PRKAR2A: variants seen among roughly 807,000 people sequenced by gnomAD.
The protein encoded by PRKAR2A is cAMP-dependent protein kinase type II-alpha regulatory subunit.
A neutral mutation model predicts 51.9 loss-of-function variants in PRKAR2A; 29 were observed. The observed-to-expected ratio is 0.56, with a 90% CI of 0.42 to 0.76. The LOEUF (loss-of-function observed/expected upper bound fraction) is 0.76. Among genes scored for constraint, PRKAR2A ranks in the 30% least tolerant of loss-of-function variants. PRKAR2A has a pLI of 0.00. For synonymous variants in PRKAR2A, 178 were observed against 186.2 expected (o/e 0.96, Z 0.36); for missense variants, 445 against 512.1 (o/e 0.87, Z 1.26).
At chr3:48,784,223 TAA>T (rs1007202805) in intron 4 of PRKAR2A, among the ~76,000 whole-genome samples, 13 of 152,100 alleles carry the variant, frequency 8.5e-5, no homozygotes, top group African/African-American at 3.1e-4. Context: ...CAGGTTCAAT[TAA>T]AAAAAGAGAC....
In PRKAR2A at chr3:48,749,897, CT is replaced by C. The variant is rs927213976; in HGVS notation, c.*1687del. 563 of 142,764 alleles carry C rather than the reference CT, an allele frequency of 3.9e-3. 1 individual carries two copies. The highest frequency in any genetic ancestry group is 7.3e-3 in the Middle Eastern group (2 of 274). The allele number at this position is 142,764 out of a possible 1,614,324, so 8.8% of individuals were successfully genotyped here. On this transcript the variant is annotated 3_prime_UTR_variant, in exon 11 of 11. Coordinates refer to ENST00000265563, the MANE Select transcript of PRKAR2A (RefSeq NM_004157.4). ...ACCTAAAGAATAATTTTTTTTCTTT[CT>C]TTTTTTTTTTTTAAGAGACAGGGTC...
At chr3:48,782,949 A>C (rs779126494) in intron 5 of PRKAR2A, 37 bp downstream of exon 5, 6 of 1,383,504 alleles carry the variant, frequency 4.3e-6, no homozygotes, top group African/African-American at 1.4e-5. Context: ...GAATCCGATT[A>C]AGTGTGGCCA....
At chr3:48,821,351 C>T (rs2082956730) in intron 1 of PRKAR2A, among the ~76,000 whole-genome samples, 2 of 152,186 alleles carry the variant, frequency 1.3e-5, no homozygotes, top group African/African-American at 4.8e-5. Context: ...TCCTCCTACC[C>T]ATCCCCACTC....
At chr3:48,834,373 AC>A (rs1207729179) in intron 1 of PRKAR2A, among the ~76,000 whole-genome samples, 5 of 152,278 alleles carry the variant, frequency 3.3e-5, no homozygotes, top group African/African-American at 7.2e-5. Flanking sequence ...CGGAAAAAAA[AC>A]AATAACAAAC....
intron 6 of PRKAR2A, among the ~76,000 whole-genome samples, chr3:48,768,287 G>A (rs946234636): frequency 4.4e-5 from 6 of 134,952 alleles, no homozygotes; most frequent in African/African-American, 1.1e-4. Flanking sequence ...GAGTGAGACC[G>A]TCTCAAAAGA....
chr3:48,816,323 G>T (rs1316082330), intron 1 of PRKAR2A, among the ~76,000 whole-genome samples: 2 of 152,104 alleles, frequency 1.3e-5, no homozygotes, highest in Non-Finnish European at 2.9e-5. Context: ...TAGAAGACTG[G>T]CATTTTGTCA....
chr3:48,785,022 T>C (rs577903481), intron 4 of PRKAR2A, among the ~76,000 whole-genome samples: 1 of 152,182 alleles, frequency 6.6e-6, no homozygotes. Context: ...TGTTGTTAGG[T>C]GATTTTATAT....
chr3:48,786,746 T>C (rs1418018337), intron 4 of PRKAR2A, among the ~76,000 whole-genome samples: 1 of 152,002 alleles, frequency 6.6e-6, no homozygotes, highest in Admixed American at 6.6e-5. Flanking sequence ...AAACTAGAAA[T>C]AGACCAAGTA....
chr3:48,775,557 C>T (rs2082093913), intron 5 of PRKAR2A, among the ~76,000 whole-genome samples: 1 of 149,766 alleles, frequency 6.7e-6, no homozygotes, highest in Non-Finnish European at 1.5e-5. Flanking sequence ...TCTCAACATA[C>T]CACTGAGGGA....
At chr3:48,753,559 C>T (rs1229999286) in intron 9 of PRKAR2A, among the ~76,000 whole-genome samples, 1 of 152,180 alleles carries the variant, frequency 6.6e-6, no homozygotes, top group Non-Finnish European at 1.5e-5. Context: ...TTTCCAATTT[C>T]AGTAGTATTC....
intron 2 of PRKAR2A, among the ~76,000 whole-genome samples, chr3:48,795,526 G>A (rs931811712): frequency 1.3e-5 from 2 of 152,126 alleles, no homozygotes; most frequent in Non-Finnish European, 2.9e-5. Context: ...TGTTGGTGAT[G>A]GTATAGCAAT....
At chr3:48,817,544 G>A (rs2082892865) in intron 1 of PRKAR2A, among the ~76,000 whole-genome samples, 2 of 151,554 alleles carry the variant, frequency 1.3e-5, no homozygotes, top group South Asian at 2.1e-4. Flanking sequence ...TCCCAGCTGA[G>A]GCTGAGGCAG....
At chr3:48,821,879 C>T (rs1215451187) in intron 1 of PRKAR2A, among the ~76,000 whole-genome samples, 2 of 146,104 alleles carry the variant, frequency 1.4e-5, no homozygotes, top group Non-Finnish European at 3.0e-5. Context: ...TGCACTACTG[C>T]ACTCCAGCCT....
intron 5 of PRKAR2A, among the ~76,000 whole-genome samples, chr3:48,773,349 T>C (rs1273605054): frequency 7.1e-6 from 1 of 141,718 alleles, no homozygotes; most frequent in Non-Finnish European, 1.5e-5. Flanking sequence ...CTTTTTTTTT[T>C]TTTTTTTTTT....
intron 2 of PRKAR2A, among the ~76,000 whole-genome samples, chr3:48,798,110 AC>A (rs1436001474): frequency 6.6e-6 from 1 of 151,886 alleles, no homozygotes; most frequent in Non-Finnish European, 1.5e-5. Flanking sequence ...CCGCCACCAC[AC>A]CCAGCTAATT....
intron 1 of PRKAR2A, among the ~76,000 whole-genome samples, chr3:48,839,162 C>A (rs1452273843): frequency 6.6e-6 from 1 of 151,976 alleles, no homozygotes; most frequent in African/African-American, 2.4e-5. Flanking sequence ...GTGACACGCG[C>A]CTGTAATCCT....
At chr3:48,789,106 C>T (rs1035760151) in intron 4 of PRKAR2A, among the ~76,000 whole-genome samples, 1 of 152,182 alleles carries the variant, frequency 6.6e-6, no homozygotes, top group Non-Finnish European at 1.5e-5. Context: ...TAAATTCAGA[C>T]CCTCCTAACT....
At chr3:48,844,761 C>G (rs1474021348) in intron 1 of PRKAR2A, among the ~76,000 whole-genome samples, 2 of 149,006 alleles carry the variant, frequency 1.3e-5, no homozygotes, top group Admixed American at 6.8e-5. Flanking sequence ...ACCGCATGTT[C>G]TCACTCACAG....
chr3:48,749,952 T>G lies in PRKAR2A; in HGVS notation c.*1633A>C, dbSNP rs2081620245. On this transcript the variant is annotated 3_prime_UTR_variant, in exon 11 of 11. Transcript: ENST00000265563. ...CTGTGTCACCCAGACTGGAGTGCAGTGGCATGATCACAGCTCACTGTTGCC... is the reference window on the plus strand; with the variant it reads ...CTGTGTCACCCAGACTGGAGTGCAGGGGCATGATCACAGCTCACTGTTGCC... 6.6e-6 allele frequency: 1 copy of G among 151,848 alleles called. No individual in the cohort carries two copies. The highest frequency in any genetic ancestry group is 1.5e-5 in the Non-Finnish European group (1 of 68,000). 9.4% of individuals were successfully genotyped at this position (151,848 alleles called of 1,614,324 possible). A position where few individuals can be genotyped will look rare whatever the true frequency, so the allele number is the denominator to read the frequency against.
Sources: allele counts gnomAD v4.1 joint callset (sites outside exome capture counted in the v4.1 genomes callset), GRCh38; gene constraint gnomAD v4.1.1; transcripts MANE v1.5; gene names NCBI Gene and HGNC (gene_info 2026-07-23, HGNC 2026-07-21).